The following MAP7D2 variants were observed in gnomAD, a reference collection of about 807,000 sequenced individuals.
The protein encoded by MAP7D2 is MAP7 domain-containing protein 2.
In MAP7D2, 33 loss-of-function variants were observed where a neutral mutation model predicts 63.5. The ratio of observed to expected loss-of-function variants is 0.52; its 90% CI spans 0.39 to 0.70. The LOEUF (loss-of-function observed/expected upper bound fraction) is 0.70. MAP7D2 is among the 30% of genes least tolerant of loss of function. MAP7D2 has a pLI of 0.00. For synonymous variants in MAP7D2, 224 were observed against 223.7 expected (o/e 1.00, Z -0.01); for missense variants, 626 against 604.0 (o/e 1.04, Z -0.38).
At chrX:20,023,632 G>A (rs1354565703) in intron 10 of MAP7D2, among the ~76,000 whole-genome samples, 3 of 112,079 alleles carry the variant, frequency 2.7e-5, no homozygotes, top group Non-Finnish European at 5.6e-5. Flanking sequence ...AGATACAGAC[G>A]GTGGTAGCTG....
Position 20,063,649 on chromosome X carries a change from A to C in MAP7D2, c.209-72T>G, listed in dbSNP as rs760265553. The C allele has an allele frequency of 2.7e-5, 30 of 1,093,922 alleles. 1 individual carries two copies. The African/African-American group carries it at 3.3e-4, about 12-fold the overall frequency. The allele number at this position is 1,093,922 out of a possible 1,213,427, so 90.2% of individuals were successfully genotyped here. On this transcript the variant is annotated intron_variant, in intron 2 of 16. Transcript: ENST00000379643. ...TGCAGTTTGGATTAAGACCAAAAAC[A>C]AGGAAGCAAGAGCAGAGCCCTAAAA...
intron 1 of MAP7D2, among the ~76,000 whole-genome samples, chrX:20,113,234 GTTC>G (rs1194170463): frequency 9.0e-6 from 1 of 111,485 alleles, no homozygotes; most frequent in African/African-American, 3.3e-5. Context: ...TTGTTCTCTT[GTTC>G]TTCTTGATCT....
At chrX:20,094,525 T>C (rs1290833098) in intron 1 of MAP7D2, among the ~76,000 whole-genome samples, 4 of 14,504 alleles carry the variant, frequency 2.8e-4, no homozygotes, top group African/African-American at 9.8e-4. Context: ...TGTATATATA[T>C]ATATATATAT....
chrX:20,055,774 C>T (rs752391825), intron 4 of MAP7D2: 105 of 989,901 alleles, frequency 1.1e-4, no homozygotes, highest in South Asian at 2.7e-4. Flanking sequence ...TCCCTGCATC[C>T]GGAGGGAGGG....
intron 10 of MAP7D2, among the ~76,000 whole-genome samples, chrX:20,022,978 C>T (rs1019865642): frequency 7.0e-4 from 78 of 111,200 alleles, no homozygotes; most frequent in Non-Finnish European, 9.6e-4. Flanking sequence ...ATGAATTTTA[C>T]TGAATGTATA....
chrX:20,059,589 TGGAAGGAAGGAAGGAA>T (rs778547441), intron 3 of MAP7D2, among the ~76,000 whole-genome samples: 119 of 74,152 alleles, frequency 1.6e-3, no homozygotes, highest in East Asian at 1.9e-3. Flanking sequence ...AGTGGAAGGG[TGGAAGGAAGGAAGGAA>T]GGAAGGAAGG....
At chrX:20,084,743 A>AT (rs1193467770) in intron 1 of MAP7D2, among the ~76,000 whole-genome samples, 1 of 109,565 alleles carries the variant, frequency 9.1e-6, no homozygotes, top group Non-Finnish European at 1.9e-5. Context: ...TAATTTTTGA[A>AT]TTTTTAATAG....
chrX:20,035,051 AT>A (rs1397146152), intron 8 of MAP7D2, among the ~76,000 whole-genome samples: 1 of 110,424 alleles, frequency 9.1e-6, no homozygotes, highest in African/African-American at 3.3e-5. Context: ...AACCGGTTTA[AT>A]TTTTTTTCCA....
chrX:20,106,494 T>C (rs776651648), intron 1 of MAP7D2, among the ~76,000 whole-genome samples: 1 of 112,270 alleles, frequency 8.9e-6, no homozygotes, highest in African/African-American at 3.2e-5. Context: ...CACGCCATAC[T>C]TGACAGCACA....
At chrX:20,102,611 C>T (rs1382734114) in intron 1 of MAP7D2, among the ~76,000 whole-genome samples, 1 of 110,809 alleles carries the variant, frequency 9.0e-6, no homozygotes, top group Non-Finnish European at 1.9e-5. Flanking sequence ...CATGAAGGAT[C>T]CATGACAGGG....
chrX:20,036,435 G>A (rs1216901939), intron 8 of MAP7D2, among the ~76,000 whole-genome samples: 2 of 103,030 alleles, frequency 1.9e-5, no homozygotes, highest in Non-Finnish European at 4.0e-5. Context: ...GTAGAGACGG[G>A]GTTTCACTAT....
In MAP7D2 at chrX:20,100,475, AC is replaced by A. The variant is rs779007782; in HGVS notation, c.130+16274del. ...ACCTGTGAATATGCTATCCCATATA[AC>A]AAAAAGACCTTTCTAGATGTGATCA... On this transcript the variant is annotated intron_variant, in intron 1 of 16. Coordinates refer to ENST00000379643, the MANE Select transcript of MAP7D2 (RefSeq NM_001168465.2). Among the ~76,000 whole-genome samples the A allele has an allele frequency of 5.4e-5, 6 of 111,972 alleles. No individual in the cohort carries two copies. In the East Asian group the frequency reaches 1.7e-3, roughly 32 times the overall value.
At chrX:20,035,930 G>A (rs957015706) in intron 8 of MAP7D2, among the ~76,000 whole-genome samples, 9 of 56,425 alleles carry the variant, frequency 1.6e-4, no homozygotes, top group East Asian at 1.5e-3. Flanking sequence ...ATATATATGT[G>A]TGTGTGTGTG....
chrX:20,022,251 T>C (rs1386962169), intron 10 of MAP7D2, among the ~76,000 whole-genome samples: 1 of 111,331 alleles, frequency 9.0e-6, no homozygotes, highest in African/African-American at 3.3e-5. Context: ...GATGGGTGAA[T>C]GTCAGGGAGC....
intron 3 of MAP7D2, among the ~76,000 whole-genome samples, chrX:20,061,404 G>A (rs2065222645): frequency 8.9e-6 from 1 of 112,029 alleles, no homozygotes; most frequent in Admixed American, 9.4e-5. Context: ...AGCTACACCT[G>A]GGTCCCCTGG....
chrX:20,073,471 C>T (rs925726288), intron 1 of MAP7D2, among the ~76,000 whole-genome samples: 3 of 109,939 alleles, frequency 2.7e-5, no homozygotes, highest in Non-Finnish European at 5.7e-5. Context: ...AAGAACTTCC[C>T]GTATAATAAA....
At chrX:20,044,072 G>C (rs1458867754) in intron 7 of MAP7D2, among the ~76,000 whole-genome samples, 1 of 112,290 alleles carries the variant, frequency 8.9e-6, no homozygotes, top group African/African-American at 3.2e-5. Flanking sequence ...TCCGTAACGA[G>C]GAAGACAGAG....
At chrX:20,094,492 A>ATATATATATATATATATATG (rs2066158440) in intron 1 of MAP7D2, among the ~76,000 whole-genome samples, 1 of 13,718 alleles carries the variant, frequency 7.3e-5, no homozygotes, top group Admixed American at 1.3e-3. Context: ...ACATACATAT[A>ATATATATATATATATATATG]TATATATATA....
At chrX:20,084,554 T>TCCCTCCCC (rs2065860679) in intron 1 of MAP7D2, among the ~76,000 whole-genome samples, 1 of 38,218 alleles carries the variant, frequency 2.6e-5, no homozygotes, top group African/African-American at 9.3e-5. Context: ...GTTCCCTCCC[T>TCCCTCCCC]CCCTCCCTCT....
Sources: allele counts gnomAD v4.1 joint callset (sites outside exome capture counted in the v4.1 genomes callset), GRCh38; gene constraint gnomAD v4.1.1; transcripts MANE v1.5; gene names NCBI Gene and HGNC (gene_info 2026-07-23, HGNC 2026-07-21).